The following ZNF215 variants were observed in gnomAD, a reference collection of about 807,000 sequenced individuals.
The protein encoded by ZNF215 is BWSCR2-associated zinc finger protein 2.
Under a neutral mutation model 27.2 loss-of-function variants are expected in ZNF215, and 24 were observed. That is an observed-to-expected ratio of 0.88 (90% CI 0.64 to 1.24). The LOEUF is 1.24. Ranked by LOEUF, ZNF215 falls within the 50% of genes most tolerant of loss-of-function variation. The pLI is 0.00. For synonymous variants in ZNF215, 210 were observed against 204.0 expected, an observed-to-expected ratio of 1.03 and a Z score of -0.25; for missense variants, 675 against 605.7, an observed-to-expected ratio of 1.11 and a Z score of -1.20.
At chr11:6,969,596 AT>A (rs1156780300) in intron 5 of ZNF215, among the ~76,000 whole-genome samples, 4 of 148,072 alleles carry the variant, frequency 2.7e-5, no homozygotes, top group South Asian at 2.1e-4. Flanking sequence ...TAAAAAAAAA[AT>A]GTAGTTAAAA....
At chr11:6,967,384 G>A (rs1391972392) in intron 5 of ZNF215, among the ~76,000 whole-genome samples, 2 of 152,192 alleles carry the variant, frequency 1.3e-5, no homozygotes, top group Non-Finnish European at 2.9e-5. Flanking sequence ...TCTCCACACT[G>A]TCTTCCACAA....
chr11:6,940,230 TAAAA>T (rs749709865), intron 3 of ZNF215, among the ~76,000 whole-genome samples: 1 of 133,302 alleles, frequency 7.5e-6, no homozygotes, highest in African/African-American at 2.8e-5. Context: ...AGACCCTCTT[TAAAA>T]AAAAAAAAAA....
exon 6 of ZNF215, chr11:6,984,562 ATATT>A (rs1296269989): frequency 1.3e-5 from 2 of 152,522 alleles, no homozygotes; most frequent in Admixed American, 6.5e-5. Flanking sequence ...ATTAGGTCAA[ATATT>A]TATCAGTAAA....
At chr11:6,954,644 T>C (rs969963521) in intron 6 of ZNF215, among the ~76,000 whole-genome samples, 6 of 152,214 alleles carry the variant, frequency 3.9e-5, no homozygotes, top group Non-Finnish European at 8.8e-5. Context: ...TGTCACCCCT[T>C]TCTTTGACTA....
intron 2 of ZNF215, among the ~76,000 whole-genome samples, chr11:6,931,144 C>T (rs529945684): frequency 6.6e-6 from 1 of 152,274 alleles, no homozygotes; most frequent in Admixed American, 6.5e-5. Context: ...AAAAGTGACA[C>T]CTGAATAGTA....
downstream of ZNF215, among the ~76,000 whole-genome samples, chr11:6,990,787 ACTTTGAAAAAGAAGG>A (rs1281860443): frequency 6.9e-5 from 2 of 29,180 alleles, no homozygotes; most frequent in African/African-American, 1.8e-4. Context: ...CACAAAGGGG[ACTTTGAAAAAGAAGG>A]GTGATGAGAA....
At chr11:6,984,046 A>G (rs778978547) in intron 5 of ZNF215, 1 of 359,516 alleles carries the variant, frequency 2.8e-6, no homozygotes, top group Non-Finnish European at 5.3e-6. Context: ...CATACTCTCA[A>G]ACGCTATCTT....
At chr11:6,993,007 GT>G (rs1554948303), downstream of ZNF215, among the ~76,000 whole-genome samples, 1 of 152,160 alleles carries the variant, frequency 6.6e-6, no homozygotes, top group Non-Finnish European at 1.5e-5. Context: ...ACATAACAAT[GT>G]ATACTTTTAC....
At chr11:6,971,559 A>G (rs979264388) in intron 5 of ZNF215, among the ~76,000 whole-genome samples, 1 of 152,198 alleles carries the variant, frequency 6.6e-6, no homozygotes, top group African/African-American at 2.4e-5. Flanking sequence ...ATCATAGAGA[A>G]AACACAAAAT....
chr11:6,958,353 T>A (rs893616325), downstream of ZNF215, among the ~76,000 whole-genome samples: 1 of 152,250 alleles, frequency 6.6e-6, no homozygotes, highest in Non-Finnish European at 1.5e-5. Context: ...TTATCTTTTC[T>A]TTGAACAACT....
rs59561486 is a variant in ZNF215 at position 6,931,586 on chromosome 11, C to CTTTTTGATTTATTCCTAA, written c.-179-506_-179-489dup. On this transcript the variant is annotated intron_variant, in intron 2 of 6. Transcript: ENST00000278319. Reference sequence around the variant, plus strand: ...CTTTTCATTGTAGTCTGGGAATCCACTTTTTGATTTATTCCTAATAATAGT... The same window carrying CTTTTTGATTTATTCCTAA: ...CTTTTCATTGTAGTCTGGGAATCCACTTTTTGATTTATTCCTAATTTTTGATTTATTCCTAATAATAGT... Among the ~76,000 whole-genome samples, 641 of 152,302 alleles carry CTTTTTGATTTATTCCTAA rather than the reference C, an allele frequency of 4.2e-3. 7 individuals are homozygous for CTTTTTGATTTATTCCTAA. Among genetic ancestry groups the CTTTTTGATTTATTCCTAA allele is most frequent in the African/African-American group, 0.014 (597 of 41,554 alleles).
Position 6,970,360 on chromosome 11 carries a change from C to A in ZNF215, c.806-13769C>A, listed in dbSNP as rs530759808. On this transcript the variant is annotated intron_variant, in intron 5 of 5. Coordinates refer to the ZNF215 transcript ENST00000529903. ...ATATTAACCAAGTCCAATGTTTTGC[C>A]CTTCTTTAGATCCTGATATGAACAA... is the stretch of plus-strand genomic sequence containing the variant. 4.9e-4 allele frequency among the ~76,000 whole-genome samples: 75 copies of A among 152,206 alleles called. 2 individuals are homozygous for A. The Middle Eastern group carries it at 0.024, about 48-fold the overall frequency.
intron 5 of ZNF215, among the ~76,000 whole-genome samples, chr11:6,974,860 T>G (rs1850797444): frequency 6.6e-6 from 1 of 152,178 alleles, no homozygotes; most frequent in Non-Finnish European, 1.5e-5. Context: ...TGACTTCCTC[T>G]TTTCCTAATT....
chr11:6,935,660 A>G (rs926335034), intron 3 of ZNF215, among the ~76,000 whole-genome samples: 4 of 152,182 alleles, frequency 2.6e-5, no homozygotes, highest in Non-Finnish European at 5.9e-5. Context: ...ACTAGAAAAA[A>G]AGATTAAAAA....
At chr11:6,948,962 T>C (rs1179945167) in intron 6 of ZNF215, among the ~76,000 whole-genome samples, 1 of 142,992 alleles carries the variant, frequency 7.0e-6, no homozygotes, top group East Asian at 2.2e-4. Context: ...TGTGTTCTCA[T>C]TGTTCAATTC....
In ZNF215 at chr11:6,943,481, AT is replaced by A. The variant is rs1299810502; in HGVS notation, c.617-64del. On this transcript the variant is annotated intron_variant, in intron 5 of 6. Coordinates refer to ENST00000278319, the MANE Select transcript of ZNF215 (RefSeq NM_013250.4). The stretch of plus-strand genomic sequence containing the variant: ...GTGTCGGGATAGAATTATCTTCTCT[AT>A]AAAAATGTCTGAAGTGTCATATATG... The A allele has an allele frequency of 4.9e-6, 7 of 1,442,986 alleles. No homozygotes were observed. In the African/African-American group the frequency reaches 8.5e-5, roughly 17 times the overall value. 89.4% of individuals were successfully genotyped at this position (1,442,986 alleles called of 1,614,324 possible).
chr11:6,948,150 C>T (rs1258450488), intron 6 of ZNF215, among the ~76,000 whole-genome samples: 2 of 152,158 alleles, frequency 1.3e-5, no homozygotes, highest in East Asian at 3.9e-4. Flanking sequence ...AAAGGATGTG[C>T]AGCCATTTTG....
At chr11:6,941,512 A>G (rs1290250315) in intron 3 of ZNF215, 59 bp from the exon 4 acceptor site, 31 of 1,433,750 alleles carry the variant, frequency 2.2e-5, no homozygotes, top group African/African-American at 2.9e-5. Context: ...AACTATAATT[A>G]TTAGAAGTTG....
At chr11:6,965,367 T>A (rs1850598548) in intron 5 of ZNF215, among the ~76,000 whole-genome samples, 1 of 152,142 alleles carries the variant, frequency 6.6e-6, no homozygotes, top group Admixed American at 6.6e-5. Context: ...ATAAAAGATG[T>A]TTCCAAAGTG....
Sources: gnomAD v4.1 joint callset for allele counts (sites outside exome capture counted in the v4.1 genomes callset) on GRCh38, gnomAD v4.1.1 for gene constraint, MANE v1.5 for transcripts, NCBI Gene and HGNC (gene_info 2026-07-23, HGNC 2026-07-21) for gene names.